SLC25A26: variants seen among roughly 807,000 people sequenced by gnomAD.
The protein encoded by SLC25A26 is mitochondrial S-adenosylmethionine carrier protein.
SLC25A26 carries 36 observed loss-of-function variants against 37.8 expected under a neutral mutation model. That is an observed-to-expected ratio of 0.95 (90% CI 0.73 to 1.26). The LOEUF is 1.26. SLC25A26 is among the 50% of genes most tolerant of loss of function. SLC25A26 has a pLI of 0.00. For synonymous variants in SLC25A26, 129 were observed against 122.5 expected (o/e 1.05, Z -0.35); for missense variants, 390 against 331.1 (o/e 1.18, Z -1.38).
intron 1 of SLC25A26, among the ~76,000 whole-genome samples, chr3:66,161,149 C>T (rs1191689768): frequency 1.7e-4 from 25 of 148,520 alleles, no homozygotes; most frequent in African/African-American, 5.5e-4. Context: ...TTCAATTTTT[C>T]GGTTGTTGTT....
intron 1 of SLC25A26, among the ~76,000 whole-genome samples, chr3:66,230,661 C>T (rs951035336): frequency 4.6e-5 from 7 of 151,454 alleles, no homozygotes; most frequent in Non-Finnish European, 8.8e-5. Context: ...AAAAATTAGC[C>T]GGGCATGGTG....
rs188569582 is a variant in SLC25A26 at position 66,318,845 on chromosome 3, T to C, written c.454-27519T>C. Among the ~76,000 whole-genome samples, 481 of 152,126 alleles carry C rather than the reference T, an allele frequency of 3.2e-3. 7 individuals carry two copies. The highest frequency in any genetic ancestry group is 0.01 in the Middle Eastern group (3 of 294). On this transcript the variant is annotated intron_variant, in intron 5 of 9. Coordinates refer to ENST00000354883, the MANE Select transcript of SLC25A26 (RefSeq NM_001379210.1). ...TAAGTTTTATTATAGAGATGGTATC[T>C]CTCTTTGTTGCCCAGGCTGGTGTCT...
chr3:66,199,160 A>G (rs2071080873), intron 1 of SLC25A26, among the ~76,000 whole-genome samples: 1 of 150,632 alleles, frequency 6.6e-6, no homozygotes, highest in Non-Finnish European at 1.5e-5. Context: ...ACCCTGCCCT[A>G]CCTCTGACCA....
intron 4 of SLC25A26, among the ~76,000 whole-genome samples, chr3:66,262,932 C>T (rs1166466469): frequency 1.3e-5 from 2 of 152,144 alleles, no homozygotes; most frequent in Admixed American, 6.5e-5. Flanking sequence ...GGATAATTGG[C>T]ATTTGTAGGC....
chr3:66,209,008 G>GTA (rs1161070197), intron 1 of SLC25A26, among the ~76,000 whole-genome samples: 8,628 of 63,218 alleles, frequency 0.14, 1,014 homozygotes, highest in East Asian at 0.35. Context: ...CCATATAAAG[G>GTA]TATATATATA....
At chr3:66,236,312 T>G (rs1268731273) in intron 1 of SLC25A26, among the ~76,000 whole-genome samples, 1 of 150,318 alleles carries the variant, frequency 6.7e-6, no homozygotes, top group African/African-American at 2.4e-5. Context: ...AAAATTGATT[T>G]AAAAAGAAAA....
At chr3:66,347,626 A>G (rs1439502103) in intron 6 of SLC25A26, among the ~76,000 whole-genome samples, 1 of 152,254 alleles carries the variant, frequency 6.6e-6, no homozygotes, top group African/African-American at 2.4e-5. Context: ...ATTACTGGGT[A>G]TATACCCAAA....
chr3:66,350,692 CTGTGTGTG>C (rs147526506), intron 6 of SLC25A26, among the ~76,000 whole-genome samples: 1 of 134,938 alleles, frequency 7.4e-6, no homozygotes, highest in Non-Finnish European at 1.6e-5. Flanking sequence ...GCCCTATACT[CTGTGTGTG>C]TGTGTGTGTG....
chr3:66,295,907 A>G (rs1289692066), intron 5 of SLC25A26, among the ~76,000 whole-genome samples: 1 of 151,940 alleles, frequency 6.6e-6, no homozygotes, highest in Non-Finnish European at 1.5e-5. Flanking sequence ...TCACGAGGTC[A>G]GGAGTTCGAG....
intron 5 of SLC25A26, among the ~76,000 whole-genome samples, chr3:66,279,136 A>C (rs1479698995): frequency 2.0e-5 from 3 of 152,136 alleles, no homozygotes. Context: ...TGGAGTTTCT[A>C]ATTGCCTTTT....
At chr3:66,149,154 T>A (rs899115157) in intron 1 of SLC25A26, among the ~76,000 whole-genome samples, 1 of 151,606 alleles carries the variant, frequency 6.6e-6, no homozygotes, top group Non-Finnish European at 1.5e-5. Context: ...CCACTCAGAG[T>A]TTTTTTTCCA....
intron 1 of SLC25A26, among the ~76,000 whole-genome samples, chr3:66,151,093 A>G (rs1160974419): frequency 6.6e-6 from 1 of 152,166 alleles, no homozygotes; most frequent in Non-Finnish European, 1.5e-5. Flanking sequence ...AACCTAGGCT[A>G]GGCTATTCAC....
chr3:66,177,768 A>T (rs1405553054), intron 1 of SLC25A26, among the ~76,000 whole-genome samples: 1 of 152,218 alleles, frequency 6.6e-6, no homozygotes, highest in Non-Finnish European at 1.5e-5. Flanking sequence ...AGGAGTCAAC[A>T]CTTTACCGTA....
intron 5 of SLC25A26, among the ~76,000 whole-genome samples, chr3:66,321,827 A>C (rs1006877324): frequency 1.3e-5 from 2 of 150,646 alleles, no homozygotes; most frequent in African/African-American, 4.9e-5. Flanking sequence ...ACTTTATCTT[A>C]GTCTGTTTTG....
intron 5 of SLC25A26, among the ~76,000 whole-genome samples, chr3:66,334,953 TC>T (rs2076061619): frequency 1.3e-5 from 2 of 152,234 alleles, no homozygotes; most frequent in Admixed American, 1.3e-4. Flanking sequence ...AAAATCTGTA[TC>T]AGATCCTACA....
Position 66,155,367 on chromosome 3 carries a change from G to A in SLC25A26, c.-354+21383G>A, listed in dbSNP as rs553507422. Among the ~76,000 whole-genome samples the A allele has an allele frequency of 2.6e-3, 392 of 152,162 alleles. 1 individual carries two copies. The highest frequency in any genetic ancestry group is 8.5e-3 in the African/African-American group (354 of 41,536). Reference sequence around the variant, plus strand: ...TCTACATAAAAAAATAAAAAAATTAGCCAGATGTGGTGGTGTGTGCCTGTA... The same window carrying A: ...TCTACATAAAAAAATAAAAAAATTAACCAGATGTGGTGGTGTGTGCCTGTA... On this transcript the variant is annotated intron_variant, in intron 1 of 10. Coordinates refer to the SLC25A26 transcript ENST00000676754.
intron 9 of SLC25A26, among the ~76,000 whole-genome samples, chr3:66,376,970 C>T (rs995754588): frequency 6.6e-6 from 1 of 152,162 alleles, no homozygotes; most frequent in Non-Finnish European, 1.5e-5. Context: ...TAATCATCCA[C>T]TGTATGTTTA....
intron 1 of SLC25A26, among the ~76,000 whole-genome samples, chr3:66,193,769 A>C (rs1302487666): frequency 2.0e-5 from 3 of 152,228 alleles, no homozygotes; most frequent in Non-Finnish European, 4.4e-5. Context: ...GACAAGACCT[A>C]GAAACTCATG....
rs188181110 is a variant in SLC25A26 at position 66,136,128 on chromosome 3, A to G, written c.-354+2144A>G. 1.3e-4 allele frequency among the ~76,000 whole-genome samples: 20 copies of G among 152,262 alleles called. No individual in the cohort carries two copies. The East Asian group carries it at 3.7e-3, about 28-fold the overall frequency. On this transcript the variant is annotated intron_variant, in intron 1 of 10. Transcript: ENST00000676754. Reference sequence around the variant, plus strand: ...ATTCTGTCCTGCGGACAGTCAACTGATTTTCCTCTCTTATTGTGGAAATAA... The same window carrying G: ...ATTCTGTCCTGCGGACAGTCAACTGGTTTTCCTCTCTTATTGTGGAAATAA...
Sources: gnomAD v4.1 joint callset for allele counts (sites outside exome capture counted in the v4.1 genomes callset) on GRCh38, gnomAD v4.1.1 for gene constraint, MANE v1.5 for transcripts, NCBI Gene and HGNC (gene_info 2026-07-23, HGNC 2026-07-21) for gene names.